The following LOC128462377 variants were observed in gnomAD, a reference collection of about 807,000 sequenced individuals.
At chr16:89,350,221 A>AC in the LOC128462377 span, among the ~76,000 whole-genome samples, 1 of 152,248 alleles carries the variant, frequency 6.6e-6, no homozygotes, top group East Asian at 1.9e-4. Flanking sequence ...ATTCCCATTC[A>AC]ACGCTGGTGG....
chr16:89,393,986 C>G, the LOC128462377 span, among the ~76,000 whole-genome samples: 1 of 152,176 alleles, frequency 6.6e-6, no homozygotes, highest in African/African-American at 2.4e-5. Flanking sequence ...CACTAGGTGC[C>G]AAACATGAAA....
chr16:89,392,270 G>A, the LOC128462377 span: 1 of 152,240 alleles, frequency 6.6e-6, no homozygotes, highest in Non-Finnish European at 1.5e-5. Context: ...CCTTGCTGAG[G>A]AAATTAAATT....
the LOC128462377 span, among the ~76,000 whole-genome samples, chr16:89,362,394 G>A: frequency 2.6e-5 from 4 of 152,270 alleles, no homozygotes; most frequent in South Asian, 8.3e-4. Context: ...TGGAGAGAGT[G>A]CACGAAAGTT....
At chr16:89,407,845 C>T in the LOC128462377 span, among the ~76,000 whole-genome samples, 11 of 116,404 alleles carry the variant, frequency 9.4e-5, no homozygotes, top group African/African-American at 3.9e-4. Flanking sequence ...CAGATCCTGT[C>T]TCCCTCCAAA....
the LOC128462377 span, among the ~76,000 whole-genome samples, chr16:89,407,408 G>C: frequency 6.6e-6 from 1 of 152,094 alleles, no homozygotes; most frequent in Non-Finnish European, 1.5e-5. Flanking sequence ...GCAACACTGG[G>C]CTGCCTCCCC....
chr16:89,338,860 T>G, the LOC128462377 span, among the ~76,000 whole-genome samples: 2 of 151,546 alleles, frequency 1.3e-5, no homozygotes, highest in African/African-American at 2.4e-5. Flanking sequence ...AGCTAAAAGG[T>G]TTGCCAAATG....
At chr16:89,357,943 CTTT>C in the LOC128462377 span, among the ~76,000 whole-genome samples, 2 of 152,148 alleles carry the variant, frequency 1.3e-5, no homozygotes, top group Non-Finnish European at 2.9e-5. Flanking sequence ...GTAGTAAATC[CTTT>C]CAAAACAATC....
At chr16:89,347,535 T>C in the LOC128462377 span, among the ~76,000 whole-genome samples, 2 of 146,364 alleles carry the variant, frequency 1.4e-5, no homozygotes, top group East Asian at 2.0e-4. Context: ...GGCGTGAACC[T>C]GGGAGATGGA....
the LOC128462377 span, among the ~76,000 whole-genome samples, chr16:89,370,476 C>G: frequency 2.3e-4 from 35 of 152,304 alleles, no homozygotes; most frequent in Non-Finnish European, 8.8e-5. Flanking sequence ...AGATGACACC[C>G]AGGGCCTTGA....
chr16:89,343,352 G>C, the LOC128462377 span, among the ~76,000 whole-genome samples: 1 of 152,208 alleles, frequency 6.6e-6, no homozygotes, highest in Non-Finnish European at 1.5e-5. Flanking sequence ...TTGACATTTA[G>C]TTATAAGCTC....
At chr16:89,357,983 G>C in the LOC128462377 span, among the ~76,000 whole-genome samples, 1 of 152,224 alleles carries the variant, frequency 6.6e-6, no homozygotes, top group Non-Finnish European at 1.5e-5. Context: ...CTCAATTTCT[G>C]AAATCAATCT....
chr16:89,414,231 C>A, the LOC128462377 span, among the ~76,000 whole-genome samples: 1 of 152,240 alleles, frequency 6.6e-6, no homozygotes, highest in African/African-American at 2.4e-5. Flanking sequence ...AGCCTCTTTT[C>A]ATATGAACAA....
the LOC128462377 span, among the ~76,000 whole-genome samples, chr16:89,393,481 A>G: frequency 1.2e-4 from 17 of 136,854 alleles, no homozygotes; most frequent in Admixed American, 1.2e-3. Context: ...GTGCCACCAT[A>G]TCCAGCTGCT....
the LOC128462377 span, among the ~76,000 whole-genome samples, chr16:89,409,478 A>G: frequency 6.6e-6 from 1 of 152,190 alleles, no homozygotes; most frequent in Non-Finnish European, 1.5e-5. Context: ...GCATAAAAAC[A>G]TACAGGTGTG....
the LOC128462377 span, among the ~76,000 whole-genome samples, chr16:89,374,346 T>A: frequency 0.57 from 83,764 of 145,956 alleles, 23,284 homozygotes; most frequent in Middle Eastern, 0.73. Flanking sequence ...GTAAAAAAAA[T>A]AATAATAATA....
the LOC128462377 span, among the ~76,000 whole-genome samples, chr16:89,383,927 C>G: frequency 1.3e-5 from 2 of 152,252 alleles, no homozygotes; most frequent in Non-Finnish European, 2.9e-5. Context: ...TCACCTCCCA[C>G]TGACGAAGGC....
chr16:89,390,071 G>A, the LOC128462377 span, among the ~76,000 whole-genome samples: 2 of 65,866 alleles, frequency 3.0e-5, no homozygotes, highest in East Asian at 4.1e-4. Context: ...GGCGAACACC[G>A]AGTGTGGCGG....
the LOC128462377 span, among the ~76,000 whole-genome samples, chr16:89,417,238 A>C: frequency 6.6e-6 from 1 of 152,202 alleles, no homozygotes; most frequent in African/African-American, 2.4e-5. Context: ...AAGCTCCCGA[A>C]AGAAGCTGCA....
At chr16:89,328,586 C>T in the LOC128462377 span, among the ~76,000 whole-genome samples, 1 of 144,520 alleles carries the variant, frequency 6.9e-6, no homozygotes, top group Non-Finnish European at 1.5e-5. Context: ...CACACCCAGG[C>T]GTACGGGTGA....
Sources: gnomAD v4.1 joint callset for allele counts (sites outside exome capture counted in the v4.1 genomes callset) on GRCh38, gnomAD v4.1.1 for gene constraint, MANE v1.5 for transcripts.